SUZ12: variants seen among roughly 807,000 people sequenced by gnomAD.
SUZ12 encodes the protein SUZ12 polycomb repressive complex 2 subunit, also known as polycomb protein SUZ12.
A neutral mutation model predicts 87.3 loss-of-function variants in SUZ12; 17 were observed. The ratio of observed to expected loss-of-function variants is 0.19; its 90% confidence interval spans 0.13 to 0.29. The LOEUF is 0.29. Ranked by LOEUF, SUZ12 falls within the 10% of genes least tolerant of loss-of-function variation. The pLI is 1.00. For missense variants in SUZ12, 526 were observed against 912.2 expected, an observed-to-expected ratio of 0.58 and a Z score of 5.45; for synonymous variants, 253 against 312.4, an observed-to-expected ratio of 0.81 and a Z score of 2.01.
rs1357909300 is a variant in SUZ12, at chr17:32,000,647, AAAG to A, written c.*1646_*1648del. The A allele has an allele frequency of 8.2e-5, 19 of 231,938 alleles. No homozygotes were observed. Among genetic ancestry groups the A allele is most frequent in the African/African-American group, 2.2e-4 (10 of 45,216 alleles). 14.4% of individuals were successfully genotyped at this position (231,938 alleles called of 1,614,324 possible). On this transcript the variant is annotated 3_prime_UTR_variant, in exon 16 of 16. Coordinates refer to ENST00000322652, the MANE Select transcript of SUZ12 (RefSeq NM_015355.4). ...TGCACATATGTAAAAAAAAAAAAAA[AAAG>A]ATTATTTTAGGGGAGATGTAGGTGT...
intron 4 of SUZ12, among the ~76,000 whole-genome samples, chr17:31,963,198 G>A (rs1170845894): frequency 1.3e-5 from 2 of 152,314 alleles, no homozygotes; most frequent in East Asian, 1.9e-4. Flanking sequence ...AGGCTGGAGT[G>A]CAGTGGCACA....
At chr17:31,950,881 C>T (rs975539108) in intron 4 of SUZ12, among the ~76,000 whole-genome samples, 1 of 151,886 alleles carries the variant, frequency 6.6e-6, no homozygotes, top group African/African-American at 2.4e-5. Context: ...CCGGGGTTCA[C>T]GCCATTCTCC....
intron 9 of SUZ12, among the ~76,000 whole-genome samples, chr17:31,986,678 A>G (rs1909438566): frequency 6.6e-6 from 1 of 152,102 alleles, no homozygotes; most frequent in Non-Finnish European, 1.5e-5. Context: ...CAGCCTCCCA[A>G]GTAGCTGGGA....
intron 4 of SUZ12, among the ~76,000 whole-genome samples, chr17:31,953,300 C>G (rs1907096093): frequency 6.6e-6 from 1 of 152,032 alleles, no homozygotes; most frequent in Non-Finnish European, 1.5e-5. Context: ...CCAGTAGAGA[C>G]AGGGTTTCAC....
At chr17:31,988,260 T>A in intron 9 of SUZ12, 60 bp from the exon 10 acceptor site, 1 of 1,444,818 alleles carries the variant, frequency 6.9e-7, no homozygotes. Context: ...TTTTAATTTC[T>A]ACAATTTATT....
intron 3 of SUZ12, among the ~76,000 whole-genome samples, chr17:31,942,571 A>G (rs1408191160): frequency 1.3e-5 from 2 of 151,682 alleles, no homozygotes; most frequent in Non-Finnish European, 2.9e-5. Flanking sequence ...TCCTGACCTC[A>G]GGTGATCCAC....
At chr17:31,972,567 C>T (rs781301955) in intron 5 of SUZ12, among the ~76,000 whole-genome samples, 42 of 152,036 alleles carry the variant, frequency 2.8e-4, no homozygotes, top group Non-Finnish European at 5.6e-4. Context: ...ACATGACACC[C>T]ACCACACCCA....
Position 31,962,500 on chromosome 17 carries a change from A to T in SUZ12, c.456-3647A>T, listed in dbSNP as rs1173729203. Among the ~76,000 whole-genome samples, 34 of 152,238 alleles carry T rather than the reference A, an allele frequency of 2.2e-4. No individual in the cohort carries two copies. In the South Asian group the frequency reaches 6.2e-3, roughly 28 times the overall value. On this transcript the variant is annotated intron_variant, in intron 4 of 15. Coordinates refer to ENST00000322652, the MANE Select transcript of SUZ12 (RefSeq NM_015355.4). Reference sequence around the variant, plus strand: ...AGCTACTCTTGGAGGCTGAGGTGGGAGAATCGTTTGAGCCTGGAAATTGGA... The same window carrying T: ...AGCTACTCTTGGAGGCTGAGGTGGGTGAATCGTTTGAGCCTGGAAATTGGA...
chr17:31,999,216 T>C lies in SUZ12; in HGVS notation c.*213T>C. The C allele has an allele frequency of 2.7e-6, 1 of 371,782 alleles. No individual in the cohort carries two copies. Among genetic ancestry groups the C allele is most frequent in the Non-Finnish European group, 4.8e-6 (1 of 208,868 alleles). 23.0% of individuals were successfully genotyped at this position (371,782 alleles called of 1,614,324 possible). On this transcript the variant is annotated 3_prime_UTR_variant, in exon 16 of 16. Transcript: ENST00000322652. ...CACTTTTATTGATGTCATTAAAACA[T>C]TCTGTACTTTAAGCATGAAAAGCAA...
At chr17:31,981,089 T>C (rs961030158) in intron 8 of SUZ12, among the ~76,000 whole-genome samples, 5 of 150,452 alleles carry the variant, frequency 3.3e-5, no homozygotes, top group African/African-American at 1.2e-4. Context: ...AAAAGCCTTA[T>C]AGGAAAAGAA....
intron 4 of SUZ12, among the ~76,000 whole-genome samples, chr17:31,955,459 A>G (rs1336258100): frequency 1.3e-5 from 2 of 151,950 alleles, no homozygotes; most frequent in Non-Finnish European, 2.9e-5. Flanking sequence ...ATTTTGTAAA[A>G]TTTTGTAGCC....
intron 10 of SUZ12, among the ~76,000 whole-genome samples, chr17:31,992,931 T>C (rs1457538860): frequency 6.6e-6 from 1 of 151,516 alleles, no homozygotes; most frequent in Non-Finnish European, 1.5e-5. Context: ...GGTCTCTAAC[T>C]CCTGACATCG....
chr17:31,975,414 G>A, intron 6 of SUZ12, 68 bp from the exon 7 acceptor site: 1 of 1,117,434 alleles, frequency 8.9e-7, no homozygotes, highest in East Asian at 2.7e-5. Context: ...GCTGTGATTA[G>A]AAGTTTTATT....
At chr17:31,952,146 TAA>T (rs1379654239) in intron 4 of SUZ12, among the ~76,000 whole-genome samples, 1 of 152,146 alleles carries the variant, frequency 6.6e-6, no homozygotes, top group Non-Finnish European at 1.5e-5. Context: ...CTGCAGCCTC[TAA>T]CTCCTGGCCT....
intron 9 of SUZ12, among the ~76,000 whole-genome samples, chr17:31,983,446 A>AT (rs200477098): frequency 9.3e-5 from 14 of 150,676 alleles, no homozygotes; most frequent in Admixed American, 2.0e-4. Flanking sequence ...CGCCTGGCTA[A>AT]TTTTTTTTTA....
At chr17:31,969,919 A>G (rs556832434) in intron 5 of SUZ12, among the ~76,000 whole-genome samples, 51 of 152,030 alleles carry the variant, frequency 3.4e-4, no homozygotes, top group African/African-American at 1.2e-3. Flanking sequence ...TTTTCTTCTT[A>G]TTTTCTTACT....
chr17:31,946,018 G>A (rs1360354671), intron 3 of SUZ12, among the ~76,000 whole-genome samples: 11 of 151,962 alleles, frequency 7.2e-5, no homozygotes, highest in Admixed American at 2.6e-4. Context: ...TTCAGAAAGC[G>A]CTTCTTACTA....
intron 9 of SUZ12, 91 bp from the exon 10 acceptor site, chr17:31,988,229 C>T: frequency 7.8e-7 from 1 of 1,275,516 alleles, no homozygotes; most frequent in South Asian, 1.6e-5. Context: ...GGCAAATCCA[C>T]ATTGACTTAT....
chr17:31,946,669 A>G (rs1906656274), intron 3 of SUZ12, among the ~76,000 whole-genome samples: 1 of 152,238 alleles, frequency 6.6e-6, no homozygotes, highest in South Asian at 2.1e-4. Flanking sequence ...TTCAAGTCCT[A>G]AAGAGGAAGG....
Sources: gnomAD v4.1 joint callset for allele counts (sites outside exome capture counted in the v4.1 genomes callset) on GRCh38, gnomAD v4.1.1 for gene constraint, MANE v1.5 for transcripts, NCBI Gene and HGNC (gene_info 2026-07-23, HGNC 2026-07-21) for gene names.